Variants in KALRN observed in about 807,000 individuals in gnomAD.
KALRN encodes kalirin RhoGEF kinase.
In KALRN, 70 loss-of-function variants were observed where a neutral mutation model predicts 353.7. The ratio of observed to expected loss-of-function variants is 0.20; its 90% CI spans 0.16 to 0.24. The LOEUF is 0.24. Among genes scored for constraint, KALRN ranks in the 10% least tolerant of loss-of-function variants. KALRN has a pLI of 1.00. For missense variants in KALRN, 2,791 were observed against 3,756.7 expected, an observed-to-expected ratio of 0.74 and a Z score of 6.72; for synonymous variants, 1,391 against 1,434.8, an observed-to-expected ratio of 0.97 and a Z score of 0.69.
At chr3:124,467,239 G>A (rs2060428047) in intron 25 of KALRN, among the ~76,000 whole-genome samples, 1 of 152,158 alleles carries the variant, frequency 6.6e-6, no homozygotes, top group African/African-American at 2.4e-5. Context: ...TCGAGGCTGG[G>A]GAATTTAGGG....
intron 9 of KALRN, among the ~76,000 whole-genome samples, chr3:124,344,458 G>C (rs2149531053): frequency 6.6e-6 from 1 of 152,338 alleles, no homozygotes; most frequent in East Asian, 1.9e-4. Context: ...CTAAACACGT[G>C]TATCATGCAA....
intron 14 of KALRN, among the ~76,000 whole-genome samples, chr3:124,415,439 C>T (rs1018938433): frequency 6.6e-6 from 1 of 152,218 alleles, no homozygotes; most frequent in Non-Finnish European, 1.5e-5. Flanking sequence ...ATTAGCATCA[C>T]CTGAGGATGT....
intron 25 of KALRN, among the ~76,000 whole-genome samples, chr3:124,466,688 T>C (rs377620138): frequency 6.6e-6 from 1 of 152,176 alleles, no homozygotes; most frequent in Non-Finnish European, 1.5e-5. Flanking sequence ...ACCCTCTCCA[T>C]GTACAGACAA....
At chr3:124,349,556 G>C (rs1407616792) in intron 10 of KALRN, among the ~76,000 whole-genome samples, 1 of 152,142 alleles carries the variant, frequency 6.6e-6, no homozygotes, top group Admixed American at 6.5e-5. Flanking sequence ...GGACACCCCT[G>C]GTTTAATTGA....
chr3:124,262,792 T>C (rs1375467022), intron 3 of KALRN, among the ~76,000 whole-genome samples: 1 of 152,200 alleles, frequency 6.6e-6, no homozygotes, highest in Non-Finnish European at 1.5e-5. Context: ...AATCCTTCTG[T>C]GGCCTTACTG....
intron 14 of KALRN, among the ~76,000 whole-genome samples, chr3:124,418,004 G>A (rs2092596182): frequency 1.3e-5 from 2 of 152,152 alleles, no homozygotes. Context: ...CCAGTGTCTT[G>A]TGCCTAGCAA....
chr3:124,471,114 A>G (rs1001778112), intron 25 of KALRN, among the ~76,000 whole-genome samples: 30 of 152,072 alleles, frequency 2.0e-4, no homozygotes, highest in Admixed American at 2.0e-3. Context: ...ATGTTTACCA[A>G]AGAGAATATG....
intron 6 of KALRN, among the ~76,000 whole-genome samples, chr3:124,309,281 C>T (rs1172580714): frequency 6.6e-6 from 1 of 151,862 alleles, no homozygotes; most frequent in African/African-American, 2.4e-5. Context: ...GAACATGTCC[C>T]AGCTTACAAG....
At chr3:124,637,509 G>A (rs1482887132) in intron 37 of KALRN, among the ~76,000 whole-genome samples, 5 of 152,150 alleles carry the variant, frequency 3.3e-5, no homozygotes, top group Non-Finnish European at 7.4e-5. Flanking sequence ...ATCATTTGGG[G>A]GCTGCAGTGT....
chr3:124,492,712 C>T (rs2063301414), intron 31 of KALRN, 28 bp from the exon 32 acceptor site: 1 of 1,609,450 alleles, frequency 6.2e-7, no homozygotes. Flanking sequence ...AGTTGGGGTT[C>T]TCAGTCTTTC....
chr3:124,515,711 CA>C (rs980213682), intron 33 of KALRN, among the ~76,000 whole-genome samples: 12 of 151,466 alleles, frequency 7.9e-5, no homozygotes, highest in African/African-American at 2.7e-4. Context: ...ACTGGCATTT[CA>C]AAAAAAAATT....
chr3:124,049,860 C>A (rs2040862371), intron 1 of KALRN, among the ~76,000 whole-genome samples: 1 of 152,180 alleles, frequency 6.6e-6, no homozygotes, highest in East Asian at 1.9e-4. Context: ...TGTAGCTTTT[C>A]AAATTTTCTA....
chr3:124,220,465 T>C (rs1462694500), intron 1 of KALRN, among the ~76,000 whole-genome samples: 1 of 152,058 alleles, frequency 6.6e-6, no homozygotes, highest in Non-Finnish European at 1.5e-5. Flanking sequence ...CTTTACCTTA[T>C]GTTTTCTCCC....
chr3:124,698,460 G>C (rs978796008), intron 55 of KALRN, among the ~76,000 whole-genome samples: 1 of 152,186 alleles, frequency 6.6e-6, no homozygotes, highest in Non-Finnish European at 1.5e-5. Context: ...TGGCTAAGAT[G>C]ATCCAAACCT....
chr3:124,374,006 G>A (rs2078015188), intron 10 of KALRN, among the ~76,000 whole-genome samples: 1 of 152,168 alleles, frequency 6.6e-6, no homozygotes, highest in Admixed American at 6.5e-5. Flanking sequence ...AGGGCAAGTA[G>A]CAGTATGGTC....
chr3:124,543,157 C>G (rs2069226661), intron 33 of KALRN, among the ~76,000 whole-genome samples: 1 of 152,072 alleles, frequency 6.6e-6, no homozygotes. Flanking sequence ...GCCTTTTATC[C>G]CCTAGTTTCA....
intron 34 of KALRN, among the ~76,000 whole-genome samples, chr3:124,569,718 T>C (rs2073305836): frequency 6.6e-6 from 1 of 152,232 alleles, no homozygotes; most frequent in Non-Finnish European, 1.5e-5. Flanking sequence ...CCATCTGACT[T>C]GGCTTGTTAG....
chr3:124,264,758 G>T lies in KALRN; in HGVS notation c.456+68G>T, dbSNP rs187793004. 2.2e-6 allele frequency: 3 copies of T among 1,344,532 alleles called. No individual in the cohort carries two copies. In the African/African-American group the frequency reaches 4.3e-5, roughly 19 times the overall value. 83.3% of individuals were successfully genotyped at this position (1,344,532 alleles called of 1,614,324 possible). On this transcript the variant is annotated intron_variant, in intron 4 of 59. Coordinates refer to ENST00000682506, the MANE Select transcript of KALRN (RefSeq NM_001388419.1). ...CTTCTGCCATCCACACATTTCTCAC[G>T]TCCTCTTCTCTATCTACCATACAGT...
chr3:124,257,423 C>T (rs2072176995), intron 3 of KALRN, among the ~76,000 whole-genome samples: 2 of 152,184 alleles, frequency 1.3e-5, no homozygotes, highest in African/African-American at 4.8e-5. Flanking sequence ...GTTTGAGAAG[C>T]ATTGGCATAA....
Sources: gnomAD v4.1 joint callset for allele counts (sites outside exome capture counted in the v4.1 genomes callset) on GRCh38, gnomAD v4.1.1 for gene constraint, MANE v1.5 for transcripts, NCBI Gene and HGNC (gene_info 2026-07-23, HGNC 2026-07-21) for gene names.